Variants in FBXW10B observed in about 807,000 individuals in gnomAD.
FBXW10B encodes the protein F-box and WD repeat domain containing 10B, also known as F-box and WD repeat domain containing protein 10B.
At chr17:15,594,576 A>T in the FBXW10B span, 1 of 825,100 alleles carries the variant, frequency 1.2e-6, no homozygotes, top group Non-Finnish European at 1.9e-6. Context: ...CAGACAGAGA[A>T]GATGGTGGGG....
chr17:15,612,675 T>C, the FBXW10B span: 4 of 1,613,768 alleles, frequency 2.5e-6, no homozygotes, highest in African/African-American at 1.3e-5. Flanking sequence ...TCACAGCTAC[T>C]TGCCCCAGAT....
chr17:15,603,905 T>C, the FBXW10B span, among the ~76,000 whole-genome samples: 50 of 127,354 alleles, frequency 3.9e-4, no homozygotes, highest in South Asian at 5.0e-4. Flanking sequence ...ACCCCTTCTC[T>C]ACTAAAAAAT....
chr17:15,604,383 T>A, the FBXW10B span, among the ~76,000 whole-genome samples: 1 of 152,142 alleles, frequency 6.6e-6, no homozygotes, highest in Admixed American at 6.6e-5. Context: ...ATCATTAGTA[T>A]AAAATTAGAA....
chr17:15,596,172 C>T, the FBXW10B span, among the ~76,000 whole-genome samples: 3 of 151,934 alleles, frequency 2.0e-5, no homozygotes, highest in Admixed American at 6.6e-5. Flanking sequence ...AGGTGTGAGC[C>T]ACTGCGCCTG....
At chr17:15,612,528 A>G in the FBXW10B span, 1 of 491,778 alleles carries the variant, frequency 2.0e-6, no homozygotes, top group African/African-American at 2.1e-5. Context: ...AAAAAAAAAA[A>G]AGAGGAAGTG....
the FBXW10B span, among the ~76,000 whole-genome samples, chr17:15,582,739 G>A: frequency 2.0e-5 from 3 of 152,104 alleles, no homozygotes; most frequent in Non-Finnish European, 4.4e-5. Flanking sequence ...AGACAAAGTG[G>A]AGCCAAGAAT....
the FBXW10B span, among the ~76,000 whole-genome samples, chr17:15,590,571 C>T: frequency 6.7e-6 from 1 of 148,990 alleles, no homozygotes; most frequent in South Asian, 2.1e-4. Context: ...CACACCTGCA[C>T]ACCACCAGCC....
At chr17:15,596,253 C>A in the FBXW10B span, among the ~76,000 whole-genome samples, 15,534 of 151,984 alleles carry the variant, frequency 0.1, 1,109 homozygotes, top group South Asian at 0.24. Context: ...AGGCCCTGAG[C>A]CCATATCTCA....
chr17:15,601,363 C>T, the FBXW10B span, among the ~76,000 whole-genome samples: 2 of 142,730 alleles, frequency 1.4e-5, no homozygotes, highest in Non-Finnish European at 3.0e-5. Flanking sequence ...GAGCTGAGAT[C>T]GCACTACCGC....
chr17:15,604,015 G>A, the FBXW10B span, among the ~76,000 whole-genome samples: 3 of 145,818 alleles, frequency 2.1e-5, no homozygotes, highest in Non-Finnish European at 4.5e-5. Context: ...GGGAGGCGGA[G>A]CTTGCAGTGA....
chr17:15,581,508 A>G, the FBXW10B span, among the ~76,000 whole-genome samples: 2 of 152,062 alleles, frequency 1.3e-5, no homozygotes, highest in Non-Finnish European at 2.9e-5. Context: ...TCAGAAGTCT[A>G]AGGATATATC....
chr17:15,590,665 C>G, the FBXW10B span, among the ~76,000 whole-genome samples: 31 of 149,986 alleles, frequency 2.1e-4, no homozygotes, highest in Admixed American at 1.1e-3. Context: ...CCTCTTAACA[C>G]AACTGTCCTC....
the FBXW10B span, among the ~76,000 whole-genome samples, chr17:15,599,740 T>A: frequency 3.9e-4 from 59 of 152,058 alleles, no homozygotes; most frequent in African/African-American, 1.4e-3. Context: ...TCAACTGCCA[T>A]TGATGCTTCC....
At chr17:15,585,543 C>A in the FBXW10B span, among the ~76,000 whole-genome samples, 1 of 151,874 alleles carries the variant, frequency 6.6e-6, no homozygotes, top group Non-Finnish European at 1.5e-5. Flanking sequence ...AACAAAAAGA[C>A]GGCAGAAGGA....
chr17:15,567,484 A>G, the FBXW10B span, among the ~76,000 whole-genome samples: 1 of 152,162 alleles, frequency 6.6e-6, no homozygotes, highest in East Asian at 1.9e-4. Flanking sequence ...TTAGCTGTAT[A>G]TAATATTCCA....
chr17:15,570,873 G>A, the FBXW10B span, among the ~76,000 whole-genome samples: 1 of 152,164 alleles, frequency 6.6e-6, no homozygotes, highest in Admixed American at 6.5e-5. Context: ...AACCATGCAA[G>A]AAAAGTAGAT....
At chr17:15,585,387 C>T in the FBXW10B span, among the ~76,000 whole-genome samples, 4,978 of 152,186 alleles carry the variant, frequency 0.033, 231 homozygotes, top group African/African-American at 0.11. Flanking sequence ...AAGGTCAAGA[C>T]ACTTTGGTAA....
chr17:15,568,406 A>G, the FBXW10B span, among the ~76,000 whole-genome samples: 1 of 152,120 alleles, frequency 6.6e-6, no homozygotes, highest in South Asian at 2.1e-4. Context: ...TGGGAGCACA[A>G]AGAGAAGTAT....
the FBXW10B span, among the ~76,000 whole-genome samples, chr17:15,597,017 A>G: frequency 6.6e-6 from 1 of 151,830 alleles, no homozygotes; most frequent in Non-Finnish European, 1.5e-5. Context: ...TTTCATAAAA[A>G]TCATGGCATA....
Sources: allele counts gnomAD v4.1 joint callset (sites outside exome capture counted in the v4.1 genomes callset), GRCh38; gene constraint gnomAD v4.1.1; transcripts MANE v1.5; gene names NCBI Gene and HGNC (gene_info 2026-07-23, HGNC 2026-07-21).